GNAQ: variants seen among roughly 807,000 people sequenced by gnomAD.
The protein encoded by GNAQ is G protein subunit alpha q.
In GNAQ, 8 loss-of-function variants were observed where a neutral mutation model predicts 43.9. That is an observed-to-expected ratio of 0.18 (90% CI 0.11 to 0.33). The LOEUF (loss-of-function observed/expected upper bound fraction) is 0.33, where lower values mean the gene tolerates loss of function less well. Among genes scored for constraint, GNAQ ranks in the 10% least tolerant of loss-of-function variants. The pLI is 1.00. For synonymous variants in GNAQ, 155 were observed against 170.7 expected, an observed-to-expected ratio of 0.91 and a Z score of 0.71; for missense variants, 158 against 450.8, an observed-to-expected ratio of 0.35 and a Z score of 5.88.
chr9:77,830,363 C>A (rs566380948), intron 2 of GNAQ, among the ~76,000 whole-genome samples: 1 of 152,262 alleles, frequency 6.6e-6, no homozygotes, highest in Non-Finnish European at 1.5e-5. Flanking sequence ...ATATCAAAAC[C>A]TATGCATATA....
At chr9:77,729,895 C>T (rs986292833) in intron 5 of GNAQ, among the ~76,000 whole-genome samples, 1 of 152,208 alleles carries the variant, frequency 6.6e-6, no homozygotes, top group Admixed American at 6.5e-5. Context: ...TGGAGCTTCC[C>T]TTCCCTCATT....
At chr9:77,773,288 T>C (rs1427938513) in intron 5 of GNAQ, among the ~76,000 whole-genome samples, 2 of 152,244 alleles carry the variant, frequency 1.3e-5, no homozygotes, top group African/African-American at 4.8e-5. Flanking sequence ...TAAGACAGAA[T>C]TAGCCATAGA....
chr9:77,951,446 T>C (rs552213899), intron 1 of GNAQ, among the ~76,000 whole-genome samples: 25 of 152,342 alleles, frequency 1.6e-4, no homozygotes, highest in Non-Finnish European at 3.4e-4. Context: ...ATGTTTGGAC[T>C]CATCTTTCAC....
intron 5 of GNAQ, among the ~76,000 whole-genome samples, chr9:77,781,233 T>G (rs1415925771): frequency 1.3e-5 from 2 of 152,064 alleles, no homozygotes; most frequent in East Asian, 3.8e-4. Context: ...TGTCTTATAT[T>G]TAGGTCTTTG....
chr9:77,923,609 A>G (rs955850740), intron 1 of GNAQ, among the ~76,000 whole-genome samples: 1 of 152,192 alleles, frequency 6.6e-6, no homozygotes, highest in African/African-American at 2.4e-5. Flanking sequence ...AATTTCCTTG[A>G]GATCTCCAAA....
intron 5 of GNAQ, among the ~76,000 whole-genome samples, chr9:77,737,109 T>C (rs576789891): frequency 2.6e-5 from 4 of 152,374 alleles, no homozygotes; most frequent in Admixed American, 6.5e-5. Context: ...GGTTTGTGTA[T>C]TCATGACACT....
intron 2 of GNAQ, among the ~76,000 whole-genome samples, chr9:77,879,068 T>A (rs1290165557): frequency 2.0e-5 from 3 of 149,608 alleles, no homozygotes. Context: ...CAAACAAATT[T>A]AAAAAACCAA....
rs537514872 is a variant in GNAQ, at chr9:77,986,581, C to T, written c.136+44519G>A. On this transcript the variant is annotated intron_variant, in intron 1 of 6. Coordinates refer to ENST00000286548, the MANE Select transcript of GNAQ (RefSeq NM_002072.5). ...AGTGCAGTGGCATGATAACAGCTCA[C>T]TGTAGGCTCGACATACTGGGCTCAA... Among the ~76,000 whole-genome samples the T allele has an allele frequency of 9.9e-5, 15 of 152,276 alleles. No homozygotes were observed. In the South Asian group the frequency reaches 3.1e-3, roughly 32 times the overall value.
At chr9:77,992,557 C>T (rs1823521360) in intron 1 of GNAQ, among the ~76,000 whole-genome samples, 1 of 152,042 alleles carries the variant, frequency 6.6e-6, no homozygotes, top group Admixed American at 6.5e-5. Flanking sequence ...AAAATAAAGA[C>T]AGAAAATTCT....
At chr9:77,727,467 G>A (rs752305175) in intron 6 of GNAQ, among the ~76,000 whole-genome samples, 6 of 152,166 alleles carry the variant, frequency 3.9e-5, no homozygotes, top group Non-Finnish European at 8.8e-5. Flanking sequence ...CAGTCTAGTT[G>A]GGGAGGGTAA....
At chr9:77,964,221 TAAC>T (rs1443707677) in intron 1 of GNAQ, among the ~76,000 whole-genome samples, 3 of 152,116 alleles carry the variant, frequency 2.0e-5, no homozygotes, top group Admixed American at 1.3e-4. Flanking sequence ...CGAAAGGACA[TAAC>T]AATCCTAAAT....
chr9:77,889,763 C>T (rs1443336153), intron 2 of GNAQ, among the ~76,000 whole-genome samples: 5 of 152,144 alleles, frequency 3.3e-5, no homozygotes, highest in South Asian at 2.1e-4. Context: ...TGTCAAAATA[C>T]GTCACCGCTT....
At chr9:77,812,281 C>G (rs1388553032) in intron 3 of GNAQ, among the ~76,000 whole-genome samples, 1 of 152,116 alleles carries the variant, frequency 6.6e-6, no homozygotes, top group East Asian at 1.9e-4. Context: ...ACTAACACAA[C>G]AAGAGACAAG....
chr9:77,954,179 G>A (rs1201242872), intron 1 of GNAQ, among the ~76,000 whole-genome samples: 4 of 152,168 alleles, frequency 2.6e-5, no homozygotes, highest in Non-Finnish European at 4.4e-5. Flanking sequence ...CACGTACACA[G>A]CATTCAGCTG....
intron 2 of GNAQ, among the ~76,000 whole-genome samples, chr9:77,859,140 T>C (rs1023079685): frequency 6.6e-4 from 101 of 152,334 alleles, no homozygotes; most frequent in African/African-American, 2.4e-3. Flanking sequence ...ATACCTGCTC[T>C]AAATGCTAAC....
intron 1 of GNAQ, among the ~76,000 whole-genome samples, chr9:77,953,584 G>A (rs959700690): frequency 1.3e-5 from 2 of 152,164 alleles, no homozygotes; most frequent in African/African-American, 4.8e-5. Context: ...AGGGCCCGGC[G>A]AAGGTCTCCC....
chr9:77,744,491 C>T (rs966597177), intron 5 of GNAQ, among the ~76,000 whole-genome samples: 1 of 152,216 alleles, frequency 6.6e-6, no homozygotes, highest in East Asian at 1.9e-4. Context: ...CTAAAAGTAA[C>T]ACCAGCCGTA....
intron 2 of GNAQ, among the ~76,000 whole-genome samples, chr9:77,882,574 A>G (rs1327524488): frequency 6.6e-6 from 1 of 152,242 alleles, no homozygotes; most frequent in South Asian, 2.1e-4. Context: ...ATACAATGGG[A>G]AAGTCCACAG....
intron 1 of GNAQ, among the ~76,000 whole-genome samples, chr9:78,011,419 A>C (rs2118581336): frequency 6.6e-6 from 1 of 152,346 alleles, no homozygotes; most frequent in African/African-American, 2.4e-5. Context: ...AAGACAAGGC[A>C]AAGGACATGC....
Sources: gnomAD v4.1 joint callset for allele counts (sites outside exome capture counted in the v4.1 genomes callset) on GRCh38, gnomAD v4.1.1 for gene constraint, MANE v1.5 for transcripts, NCBI Gene and HGNC (gene_info 2026-07-23, HGNC 2026-07-21) for gene names.